The following JAKMIP3 variants were observed in gnomAD, a reference collection of about 807,000 sequenced individuals.
JAKMIP3 encodes Janus kinase and microtubule interacting protein 3.
Under a neutral mutation model 118.5 loss-of-function variants are expected in JAKMIP3, and 58 were observed. The observed-to-expected ratio is 0.49, with a 90% CI of 0.40 to 0.61. The LOEUF (loss-of-function observed/expected upper bound fraction) is 0.61, where lower values mean the gene tolerates loss of function less well. JAKMIP3 is among the 20% of genes least tolerant of loss of function. JAKMIP3 has a pLI of 0.00. For synonymous variants in JAKMIP3, 486 were observed against 451.2 expected (o/e 1.08, Z -0.98); for missense variants, 950 against 1,109.0 (o/e 0.86, Z 2.04).
rs1265141776 is a variant in JAKMIP3 at position 132,150,012 on chromosome 10, C to T, written c.1978C>T (p.Leu660=). 3 of 1,592,518 alleles carry T rather than the reference C, an allele frequency of 1.9e-6. No individual in the cohort carries two copies. Among genetic ancestry groups the T allele is most frequent in the Middle Eastern group, 3.3e-4 (2 of 6,030 alleles). Residue 660 remains leucine, a synonymous_variant, in exon 16 of 24, where the codon CTG becomes TTG. Coordinates refer to ENST00000684848, the MANE Select transcript of JAKMIP3 (RefSeq NM_001323087.2). ...TGTGGTTGCGGAGCTGATGAAGAAGCTGGACATCCTGGGCGATAACGCCGT... is the reference window on the plus strand; with the variant it reads ...TGTGGTTGCGGAGCTGATGAAGAAGTTGGACATCCTGGGCGATAACGCCGT... ...DIVVAELMKK[L]DILGDNAVSN...
At position 132,180,758 on chromosome 10, in the gene JAKMIP3, T is replaced by TGTGC. The variant is rs1334620400; in HGVS notation, c.*1104-1598_*1104-1597insTGCG. On this transcript the variant is annotated intron_variant, in intron 23 of 23. Transcript: ENST00000684848. ...GTGTGCGTGCGTGCGCGCGCGTGTG[T>TGTGC]GCGTGTGTGTGCGTGTGTGTGTGTG... Among the ~76,000 whole-genome samples, 43 of 18,064 alleles carry TGTGC rather than the reference T, an allele frequency of 2.4e-3. 9 individuals carry two copies. Among genetic ancestry groups the TGTGC allele is most frequent in the African/African-American group, 9.5e-3 (42 of 4,420 alleles). 11.9% of individuals were successfully genotyped at this position (18,064 alleles called of 152,430 possible). A position where few individuals can be genotyped will look rare whatever the true frequency, so the allele number is the denominator to read the frequency against.
At chr10:132,084,527 A>C (rs368514093) in intron 1 of JAKMIP3, among the ~76,000 whole-genome samples, 6 of 152,122 alleles carry the variant, frequency 3.9e-5, no homozygotes, top group African/African-American at 1.4e-4. Flanking sequence ...TATGCCCTTT[A>C]TTTCTTTCCC....
Position 132,133,321 on chromosome 10 carries a change from A to G in JAKMIP3, c.643A>G (p.Ile215Val). The stretch of plus-strand genomic sequence containing the variant: ...TCTGTTCTCCTTGTAGATGGAGGAG[A>G]TAAAATTTAAAGACAGAGCAGTCTT... ...EREIRRLMEE[I>V]KFKDRAVFVL... The change falls in exon 4 of 24, where the codon ATA (isoleucine) becomes GTA (valine). Residue 215 changes from isoleucine to valine, a missense_variant. Coordinates refer to ENST00000684848, the MANE Select transcript of JAKMIP3 (RefSeq NM_001323087.2). 1 of 1,586,256 alleles carries G rather than the reference A, an allele frequency of 6.3e-7. No individual in the cohort carries two copies. The highest frequency in any genetic ancestry group is 8.6e-7 in the Non-Finnish European group (1 of 1,166,372).
intron 1 of JAKMIP3, among the ~76,000 whole-genome samples, chr10:132,070,511 C>T (rs1247310186): frequency 6.6e-6 from 1 of 152,174 alleles, no homozygotes; most frequent in Non-Finnish European, 1.5e-5. Context: ...TCTTCAGATC[C>T]TTAATCCCAT....
chr10:132,166,738 G>A (rs970825024), intron 21 of JAKMIP3, among the ~76,000 whole-genome samples: 9 of 152,238 alleles, frequency 5.9e-5, no homozygotes, highest in East Asian at 1.9e-4. Context: ...CCTGACCAGC[G>A]CCCACCACCC....
intron 3 of JAKMIP3, among the ~76,000 whole-genome samples, chr10:132,130,252 C>T (rs1330523740): frequency 6.6e-6 from 1 of 152,140 alleles, no homozygotes; most frequent in African/African-American, 2.4e-5. Flanking sequence ...TATTTTTTTC[C>T]CATCTCCCCC....
chr10:132,083,307 T>A (rs1290087906), intron 1 of JAKMIP3, among the ~76,000 whole-genome samples: 1 of 152,214 alleles, frequency 6.6e-6, no homozygotes, highest in Non-Finnish European at 1.5e-5. Context: ...ATTTTTCATA[T>A]GTTTGTTGGC....
At chr10:132,066,848 C>T (rs867541481) in intron 1 of JAKMIP3, among the ~76,000 whole-genome samples, 23 of 152,230 alleles carry the variant, frequency 1.5e-4, no homozygotes, top group African/African-American at 4.1e-4. Flanking sequence ...CTTGGCAGTA[C>T]GTTGTTGTAC....
At chr10:132,059,395 C>T (rs888619902) in intron 1 of JAKMIP3, among the ~76,000 whole-genome samples, 1 of 152,216 alleles carries the variant, frequency 6.6e-6, no homozygotes, top group African/African-American at 2.4e-5. Flanking sequence ...GATGAAGGTG[C>T]AAGAGATTGA....
chr10:132,055,333 A>G lies in JAKMIP3; in HGVS notation c.-138+18595A>G, dbSNP rs559850887. 9.3e-4 allele frequency among the ~76,000 whole-genome samples: 142 copies of G among 152,346 alleles called. 4 individuals are homozygous for G. In the South Asian group the frequency reaches 0.028, roughly 30 times the overall value. ...AGTATCAATGACAAACATGTCCTCT[A>G]CGATGACATGCAGAGTTCATGCAGG... On this transcript the variant is annotated intron_variant, in intron 1 of 23. Coordinates refer to the JAKMIP3 transcript ENST00000657785.
chr10:132,078,819 T>TC (rs2041289389), intron 1 of JAKMIP3, among the ~76,000 whole-genome samples: 1 of 152,100 alleles, frequency 6.6e-6, no homozygotes, highest in Non-Finnish European at 1.5e-5. Flanking sequence ...CGCCAGAACC[T>TC]CCCCCGAGCG....
At chr10:132,156,295 C>G (rs1043151448) in intron 19 of JAKMIP3, among the ~76,000 whole-genome samples, 1 of 152,224 alleles carries the variant, frequency 6.6e-6, no homozygotes, top group Non-Finnish European at 1.5e-5. Context: ...CCATCCTGCT[C>G]ATGCTGATTG....
At chr10:132,088,500 G>A (rs1456389118) in intron 1 of JAKMIP3, among the ~76,000 whole-genome samples, 1 of 152,226 alleles carries the variant, frequency 6.6e-6, no homozygotes, top group Non-Finnish European at 1.5e-5. Context: ...GCTGATAAAT[G>A]TCTTCTTTTG....
intron 11 of JAKMIP3, among the ~76,000 whole-genome samples, chr10:132,142,971 C>A (rs9419375): frequency 6.6e-6 from 1 of 152,028 alleles, no homozygotes; most frequent in Non-Finnish European, 1.5e-5. Flanking sequence ...GCATCCCCAG[C>A]GTGGTCCACG....
intron 1 of JAKMIP3, among the ~76,000 whole-genome samples, chr10:132,045,485 A>G (rs1479314296): frequency 6.6e-6 from 1 of 152,160 alleles, no homozygotes; most frequent in Non-Finnish European, 1.5e-5. Context: ...TGAAGGGCAC[A>G]TGTGGTTGTG....
rs896289074 is a variant in JAKMIP3 at position 132,137,396 on chromosome 10, C to T, written c.1284+107C>T. 18 of 1,403,148 alleles carry T rather than the reference C, an allele frequency of 1.3e-5. 1 individual carries two copies. The highest frequency in any genetic ancestry group is 3.8e-4 in the Middle Eastern group (2 of 5,212). 86.9% of individuals were successfully genotyped at this position (1,403,148 alleles called of 1,614,324 possible). On this transcript the variant is annotated intron_variant, in intron 8 of 23. Coordinates refer to ENST00000684848, the MANE Select transcript of JAKMIP3 (RefSeq NM_001323087.2). ...CTCACAGACCAGACAGAAGCGGCCGCGGCAGCCTTTCGGGTGGATTTTGTT... is the reference window on the plus strand; with the variant it reads ...CTCACAGACCAGACAGAAGCGGCCGTGGCAGCCTTTCGGGTGGATTTTGTT...
At chr10:132,048,583 G>C (rs2038000248) in intron 1 of JAKMIP3, among the ~76,000 whole-genome samples, 1 of 151,910 alleles carries the variant, frequency 6.6e-6, no homozygotes, top group Non-Finnish European at 1.5e-5. Context: ...GCTCATCATG[G>C]TTTTGCGGTG....
rs1432457455 is a variant in JAKMIP3, at chr10:132,183,738, C to T, written c.*2485C>T. 1 of 152,222 alleles carries T rather than the reference C, an allele frequency of 6.6e-6. No homozygotes were observed. The highest frequency in any genetic ancestry group is 1.5e-5 in the Non-Finnish European group (1 of 68,048). The allele number at this position is 152,222 out of a possible 1,614,324, so 9.4% of individuals were successfully genotyped here. ...GATATCATTGTTTTCACTCGTCTATCATAGGCACCTTCTTTACATCTGATT... is the reference window on the plus strand; with the variant it reads ...GATATCATTGTTTTCACTCGTCTATTATAGGCACCTTCTTTACATCTGATT... On this transcript the variant is annotated 3_prime_UTR_variant, in exon 24 of 24. Coordinates refer to ENST00000684848, the MANE Select transcript of JAKMIP3 (RefSeq NM_001323087.2).
chr10:132,133,388 A>C lies in JAKMIP3; in HGVS notation c.710A>C (p.Gln237Pro). 6.2e-7 allele frequency: 1 copy of C among 1,602,282 alleles called. No homozygotes were observed. Among genetic ancestry groups the C allele is most frequent in the Non-Finnish European group, 8.5e-7 (1 of 1,174,470 alleles). The change falls in exon 4 of 24, where the codon CAG becomes CCG. Residue 237 changes from glutamine (Q) to proline (P), a missense_variant. Physicochemically the swap from Gln to Pro is moderately conservative, Grantham distance 76. Transcript: ENST00000684848. ...RELGVQAGHA[Q>P]RLQLQKEALD... is the part of the protein sequence containing the mutation. Reference sequence around the variant, plus strand: ...TTAGGGGTTCAAGCCGGGCATGCTCAGAGACTGCAGCTCCAAAAAGAGGCT... The same window carrying C: ...TTAGGGGTTCAAGCCGGGCATGCTCCGAGACTGCAGCTCCAAAAAGAGGCT...
Sources: allele counts gnomAD v4.1 joint callset (sites outside exome capture counted in the v4.1 genomes callset), GRCh38; gene constraint gnomAD v4.1.1; transcripts MANE v1.5; gene names NCBI Gene and HGNC (gene_info 2026-07-23, HGNC 2026-07-21).